Variants in VRK2 observed in about 807,000 individuals in gnomAD.
VRK2 encodes the protein serine/threonine-protein kinase VRK2.
In VRK2, 60 loss-of-function variants were observed where a neutral mutation model predicts 57.6. The ratio of observed to expected loss-of-function variants is 1.04; its 90% confidence interval spans 0.85 to 1.29. The LOEUF (loss-of-function observed/expected upper bound fraction) is 1.29, where lower values mean the gene tolerates loss of function less well. VRK2 is among the 50% of genes most tolerant of loss of function. The pLI is 0.00. For missense variants in VRK2, 705 were observed against 588.1 expected (o/e 1.20, Z -2.06); for synonymous variants, 231 against 199.2 (o/e 1.16, Z -1.35).
At chr2:57,909,638 G>C (rs1253963889) in intron 1 of VRK2, among the ~76,000 whole-genome samples, 1 of 152,142 alleles carries the variant, frequency 6.6e-6, no homozygotes, top group Non-Finnish European at 1.5e-5. Flanking sequence ...TCGCTGTCAA[G>C]AAGAAATTCA....
chr2:58,047,490 C>T, intron 1 of VRK2: 2 of 985,104 alleles, frequency 2.0e-6, no homozygotes, highest in Non-Finnish European at 2.4e-6. Context: ...GTAGAGTCTC[C>T]CTTACCGCCT....
At chr2:58,000,468 G>T (rs1240322446) in intron 1 of VRK2, among the ~76,000 whole-genome samples, 4 of 152,008 alleles carry the variant, frequency 2.6e-5, no homozygotes, top group Non-Finnish European at 1.5e-5. Context: ...TTTTTCTTCA[G>T]TTATAGAAAT....
chr2:58,155,092 G>A (rs1351651927), intron 12 of VRK2, among the ~76,000 whole-genome samples: 3 of 152,084 alleles, frequency 2.0e-5, no homozygotes, highest in Non-Finnish European at 4.4e-5. Context: ...AAAAGAACAT[G>A]TATTTTCCTG....
intron 1 of VRK2, among the ~76,000 whole-genome samples, chr2:57,936,530 T>TG (rs1374911801): frequency 4.3e-4 from 63 of 145,656 alleles, no homozygotes; most frequent in East Asian, 3.6e-3. Flanking sequence ...TTTGTTTTTT[T>TG]GTTTTTTTTT....
intron 1 of VRK2, among the ~76,000 whole-genome samples, chr2:57,974,869 A>G (rs1313867993): frequency 2.6e-5 from 4 of 152,060 alleles, no homozygotes; most frequent in Non-Finnish European, 4.4e-5. Flanking sequence ...CCATCAAACA[A>G]TATAAAAGCT....
At chr2:57,916,892 T>C (rs1670174735) in intron 1 of VRK2, among the ~76,000 whole-genome samples, 1 of 152,190 alleles carries the variant, frequency 6.6e-6, no homozygotes, top group Admixed American at 6.5e-5. Context: ...AGAATAAGGA[T>C]CATAGTAGTA....
At chr2:57,935,940 C>A (rs1461023502) in intron 1 of VRK2, among the ~76,000 whole-genome samples, 2 of 152,150 alleles carry the variant, frequency 1.3e-5, no homozygotes, top group Non-Finnish European at 2.9e-5. Context: ...TGTGCTGGGA[C>A]TTTTCCGGAC....
intron 2 of VRK2, among the ~76,000 whole-genome samples, chr2:58,050,990 A>G (rs1367201049): frequency 5.3e-5 from 8 of 151,980 alleles, no homozygotes; most frequent in African/African-American, 1.9e-4. Flanking sequence ...GACTACAGGC[A>G]CCTGCCACCC....
chr2:58,054,909 T>TA (rs763037103), intron 2 of VRK2, among the ~76,000 whole-genome samples: 14 of 152,210 alleles, frequency 9.2e-5, no homozygotes, highest in Admixed American at 6.5e-5. Context: ...TATTTCAAGA[T>TA]AATTGTTGAG....
intron 3 of VRK2, among the ~76,000 whole-genome samples, chr2:58,040,148 AT>A (rs78218316): frequency 6.6e-6 from 1 of 152,094 alleles, no homozygotes; most frequent in East Asian, 1.9e-4. Flanking sequence ...ATAAGCATGT[AT>A]TTTATAATAA....
At position 58,086,611 on chromosome 2, in the gene VRK2, C is replaced by T. The variant is rs530900152; in HGVS notation, c.344+185C>T. 2.6e-5 allele frequency among the ~76,000 whole-genome samples: 4 copies of T among 152,266 alleles called. No individual in the cohort carries two copies. The East Asian group carries it at 7.7e-4, about 29-fold the overall frequency. ...TATCTGTATGATTCTAGATCAGGAT[C>T]TCTAATAAGGATATGTAGTCAGCTG... On this transcript the variant is annotated intron_variant, in intron 5 of 12. Transcript: ENST00000340157.
chr2:57,973,845 C>G (rs1254803653), intron 1 of VRK2, among the ~76,000 whole-genome samples: 1 of 151,378 alleles, frequency 6.6e-6, no homozygotes, highest in Non-Finnish European at 1.5e-5. Context: ...AGGCCAATAT[C>G]TAGTGGAGAA....
At chr2:58,087,484 T>A (rs1671792495) in intron 5 of VRK2, among the ~76,000 whole-genome samples, 1 of 152,152 alleles carries the variant, frequency 6.6e-6, no homozygotes, top group Admixed American at 6.5e-5. Flanking sequence ...TATAATATGA[T>A]CACATTTTTG....
chr2:57,919,724 G>C (rs904414798), intron 1 of VRK2, among the ~76,000 whole-genome samples: 3 of 152,060 alleles, frequency 2.0e-5, no homozygotes, highest in Non-Finnish European at 4.4e-5. Context: ...CTGGCAGGCA[G>C]CTAGGGGCTA....
intron 9 of VRK2, 39 bp from the exon 10 acceptor site, chr2:58,135,102 G>GA: frequency 6.2e-7 from 1 of 1,608,440 alleles, no homozygotes; most frequent in Non-Finnish European, 8.5e-7. Context: ...TCACAGGGTT[G>GA]AAAACATGTT....
chr2:58,122,821 A>C (rs1677721897), intron 7 of VRK2, among the ~76,000 whole-genome samples: 1 of 152,220 alleles, frequency 6.6e-6, no homozygotes, highest in African/African-American at 2.4e-5. Flanking sequence ...TGATGTCTAG[A>C]TGCCCACCTG....
At chr2:58,069,651 C>T (rs988400310) in intron 2 of VRK2, among the ~76,000 whole-genome samples, 1 of 152,150 alleles carries the variant, frequency 6.6e-6, no homozygotes, top group African/African-American at 2.4e-5. Flanking sequence ...AGTTTCAGAT[C>T]TCTGTGTGTC....
Position 58,116,963 on chromosome 2 carries a change from G to T in VRK2, c.544-6138G>T, listed in dbSNP as rs371917872. On this transcript the variant is annotated intron_variant, in intron 7 of 12. Transcript: ENST00000340157. ...GTTCTTGTGTGCTGGAGATGTGGCT[G>T]GGGTTTGTCTCACAGTGGAGGCAAG... Among the ~76,000 whole-genome samples, 5 of 152,306 alleles carry T rather than the reference G, an allele frequency of 3.3e-5. No individual in the cohort carries two copies. The East Asian group carries it at 5.8e-4, about 18-fold the overall frequency.
intron 1 of VRK2, among the ~76,000 whole-genome samples, chr2:57,948,247 C>T (rs758073160): frequency 1.3e-5 from 2 of 152,202 alleles, no homozygotes; most frequent in African/African-American, 4.8e-5. Flanking sequence ...TTAGGAAAGT[C>T]TGCTTTTCAC....
Sources: gnomAD v4.1 joint callset for allele counts (sites outside exome capture counted in the v4.1 genomes callset) on GRCh38, gnomAD v4.1.1 for gene constraint, MANE v1.5 for transcripts, NCBI Gene and HGNC (gene_info 2026-07-23, HGNC 2026-07-21) for gene names.